PAPPA: variants seen among roughly 807,000 people sequenced by gnomAD.
PAPPA encodes pappalysin-1.
Under a neutral mutation model 164.0 loss-of-function variants are expected in PAPPA, and 60 were observed. The ratio of observed to expected loss-of-function variants is 0.37; its 90% confidence interval spans 0.30 to 0.45. PAPPA has a LOEUF of 0.45. PAPPA is among the 20% of genes least tolerant of loss of function. The pLI, the probability that PAPPA is intolerant of heterozygous loss-of-function variation, is 1.00. For synonymous variants in PAPPA, 875 were observed against 814.1 expected (o/e 1.07, Z -1.27); for missense variants, 1,782 against 2,087.3 (o/e 0.85, Z 2.85).
chr9:116,303,379 G>A (rs992843892), intron 10 of PAPPA, among the ~76,000 whole-genome samples: 13 of 152,156 alleles, frequency 8.5e-5, no homozygotes, highest in African/African-American at 2.4e-4. Context: ...CCTATTTTTC[G>A]ACTCATCCTT....
At chr9:116,198,846 A>AT (rs1296306751) in intron 2 of PAPPA, among the ~76,000 whole-genome samples, 4 of 151,988 alleles carry the variant, frequency 2.6e-5, no homozygotes, top group Admixed American at 6.6e-5. Flanking sequence ...TTCTGAGATT[A>AT]TTTTTTCTTT....
At chr9:116,324,663 G>A (rs1362510074) in intron 10 of PAPPA, among the ~76,000 whole-genome samples, 1 of 152,200 alleles carries the variant, frequency 6.6e-6, no homozygotes, top group Non-Finnish European at 1.5e-5. Context: ...TGGGGAGTGA[G>A]TAAAGGCTTT....
At chr9:116,324,510 C>T (rs1345420095) in intron 10 of PAPPA, among the ~76,000 whole-genome samples, 1 of 152,094 alleles carries the variant, frequency 6.6e-6, no homozygotes. Context: ...ATAAATAAAA[C>T]ATGCTTCTCA....
intron 2 of PAPPA, among the ~76,000 whole-genome samples, chr9:116,191,879 A>C (rs1844046873): frequency 6.6e-6 from 1 of 152,154 alleles, no homozygotes; most frequent in Admixed American, 6.5e-5. Context: ...ATTAAGGACA[A>C]CCAACAAGGC....
chr9:116,195,095 G>T (rs1844088391), intron 2 of PAPPA, among the ~76,000 whole-genome samples: 1 of 152,126 alleles, frequency 6.6e-6, no homozygotes, highest in Non-Finnish European at 1.5e-5. Flanking sequence ...GGCTCATAAT[G>T]AGAGATATGC....
intron 7 of PAPPA, among the ~76,000 whole-genome samples, chr9:116,260,823 AC>A (rs1844992985): frequency 6.6e-6 from 1 of 152,342 alleles, no homozygotes; most frequent in South Asian, 2.1e-4. Flanking sequence ...ATAGGGAAAT[AC>A]TATGAAATTA....
chr9:116,305,069 A>G (rs1414779565), intron 10 of PAPPA, among the ~76,000 whole-genome samples: 1 of 151,618 alleles, frequency 6.6e-6, no homozygotes, highest in Non-Finnish European at 1.5e-5. Flanking sequence ...ACACACACAC[A>G]CACACCCTAC....
At chr9:116,371,219 C>A (rs369566526) in intron 19 of PAPPA, among the ~76,000 whole-genome samples, 18 of 152,220 alleles carry the variant, frequency 1.2e-4, no homozygotes, top group African/African-American at 3.6e-4. Flanking sequence ...GAGTTCGAGA[C>A]CAGCCTGGCC....
intron 19 of PAPPA, among the ~76,000 whole-genome samples, chr9:116,375,751 C>T (rs1293715714): frequency 1.3e-5 from 2 of 152,112 alleles, no homozygotes; most frequent in Non-Finnish European, 1.5e-5. Flanking sequence ...GGTCTGCCCT[C>T]AGGGAGAGAA....
intron 5 of PAPPA, among the ~76,000 whole-genome samples, chr9:116,223,880 A>C (rs1247774360): frequency 2.6e-5 from 4 of 152,202 alleles, no homozygotes; most frequent in South Asian, 2.1e-4. Flanking sequence ...GCCTTCTTCC[A>C]TCAAAATGTG....
At chr9:116,395,152 A>G (rs1034297427) in intron 21 of PAPPA, among the ~76,000 whole-genome samples, 1 of 152,182 alleles carries the variant, frequency 6.6e-6, no homozygotes, top group Non-Finnish European at 1.5e-5. Context: ...GAGTTCATTG[A>G]GACTCAGAGA....
chr9:116,386,083 C>G (rs1272294772), intron 21 of PAPPA, among the ~76,000 whole-genome samples: 2 of 152,132 alleles, frequency 1.3e-5, no homozygotes, highest in Non-Finnish European at 2.9e-5. Context: ...GGGGAAAGGT[C>G]TCTTAAAACT....
chr9:116,374,797 ACT>A (rs1846627998), intron 19 of PAPPA, among the ~76,000 whole-genome samples: 1 of 152,168 alleles, frequency 6.6e-6, no homozygotes, highest in Admixed American at 6.5e-5. Flanking sequence ...CTGGGAACAG[ACT>A]CTCATACTGA....
chr9:116,220,202 C>A, intron 5 of PAPPA, 73 bp downstream of exon 5: 1 of 1,213,482 alleles, frequency 8.2e-7, no homozygotes. Flanking sequence ...GGAAGGGAAG[C>A]AGACTTGGAG....
intron 21 of PAPPA, among the ~76,000 whole-genome samples, chr9:116,395,458 C>T (rs539856239): frequency 2.2e-4 from 34 of 152,282 alleles, no homozygotes; most frequent in African/African-American, 7.5e-4. Flanking sequence ...AATCCATCTG[C>T]GCAGATGGGA....
At chr9:116,175,736 G>A (rs755113055) in intron 1 of PAPPA, among the ~76,000 whole-genome samples, 8 of 152,182 alleles carry the variant, frequency 5.3e-5, no homozygotes, top group Non-Finnish European at 1.2e-4. Flanking sequence ...TAGTGATACA[G>A]GGTGGTGATA....
At chr9:116,292,082 C>A (rs1040520854) in intron 9 of PAPPA, among the ~76,000 whole-genome samples, 1 of 151,984 alleles carries the variant, frequency 6.6e-6, no homozygotes, top group African/African-American at 2.4e-5. Flanking sequence ...CTTGTTGTGT[C>A]GATAGATGTC....
intron 9 of PAPPA, among the ~76,000 whole-genome samples, chr9:116,289,114 G>A (rs1326557125): frequency 4.1e-5 from 2 of 49,092 alleles, no homozygotes; most frequent in Admixed American, 3.1e-4. Context: ...GAATAGATAT[G>A]CATATACATA....
chr9:116,201,090 G>A (rs1844166786), intron 2 of PAPPA, among the ~76,000 whole-genome samples: 1 of 152,116 alleles, frequency 6.6e-6, no homozygotes, highest in Admixed American at 6.5e-5. Flanking sequence ...GGCAGATTTA[G>A]GTATTTTTGA....
Sources: gnomAD v4.1 joint callset for allele counts (sites outside exome capture counted in the v4.1 genomes callset) on GRCh38, gnomAD v4.1.1 for gene constraint, MANE v1.5 for transcripts, NCBI Gene and HGNC (gene_info 2026-07-23, HGNC 2026-07-21) for gene names.